Variants in NUP98 observed in about 807,000 individuals in gnomAD.
The protein encoded by NUP98 is nucleoporin 98 and 96 precursor.
Under a neutral mutation model 191.9 loss-of-function variants are expected in NUP98, and 26 were observed. That is an observed-to-expected ratio of 0.14 (90% CI 0.10 to 0.19). NUP98 has a LOEUF of 0.19. Among genes scored for constraint, NUP98 ranks in the 10% least tolerant of loss-of-function variants. The pLI, the probability that NUP98 is intolerant of heterozygous loss-of-function variation, is 1.00. For synonymous variants in NUP98, 808 were observed against 778.4 expected (o/e 1.04, Z -0.63); for missense variants, 1,941 against 2,178.8 (o/e 0.89, Z 2.17).
chr11:3,676,668 C>T, intron 31 of NUP98, 48 bp from the exon 32 acceptor site: 1 of 1,364,984 alleles, frequency 7.3e-7, no homozygotes, highest in Non-Finnish European at 1.0e-6. Context: ...GTTCCTATCA[C>T]TCCAATCCCA....
chr11:3,777,838 C>CA (rs1487178943), intron 4 of NUP98, among the ~76,000 whole-genome samples: 6 of 152,004 alleles, frequency 3.9e-5, no homozygotes, highest in Admixed American at 2.0e-4. Flanking sequence ...ATTAGTACTT[C>CA]AGACTGCATT....
At position 3,695,598 on chromosome 11, in the gene NUP98, G is replaced by A. The variant is rs1457274197; in HGVS notation, c.4018C>T (p.Arg1340Cys). 4.4e-6 allele frequency: 7 copies of A among 1,583,878 alleles called. No individual in the cohort carries two copies. The highest frequency in any genetic ancestry group is 1.4e-5 in the African/African-American group (1 of 73,608). Residue 1340 changes from arginine to cysteine, a missense_variant, in exon 26 of 33, where the codon CGT becomes TGT. Around this residue, in one of 6 missense-constraint regions of NUP98, gnomAD observed 1,030 missense variants for 1,115.8 expected, o/e 0.92. Transcript: ENST00000324932. Reference protein sequence around the residue: ...CSLAQQSGDHRLALLLSQFVG... With the variant: ...CSLAQQSGDHCLALLLSQFVG... ...AACTGAGATAAAAGAAGAGCAAGACGATGATCCCCTATAAGAGAAATGGAA... is the reference window on the plus strand; with the variant it reads ...AACTGAGATAAAAGAAGAGCAAGACAATGATCCCCTATAAGAGAAATGGAA...
Position 3,763,114 on chromosome 11 carries a change from A to C in NUP98, c.949-75T>G. Reference sequence around the variant, plus strand: ...AACGAATCTCAGAGTAATAAAAAAAAAGTTACCATTTTTTCAAGCTTATAT... The same window carrying C: ...AACGAATCTCAGAGTAATAAAAAAACAGTTACCATTTTTTCAAGCTTATAT... On this transcript the variant is annotated intron_variant, in intron 8 of 32. Coordinates refer to ENST00000324932, the MANE Select transcript of NUP98 (RefSeq NM_016320.5). 2 of 1,442,838 alleles carry C rather than the reference A, an allele frequency of 1.4e-6. 1 individual carries two copies. Among genetic ancestry groups the C allele is most frequent in the South Asian group, 2.6e-5 (2 of 76,202 alleles). 89.4% of individuals were successfully genotyped at this position (1,442,838 alleles called of 1,614,324 possible).
intron 23 of NUP98, 88 bp from the exon 24 acceptor site, chr11:3,700,927 A>G (rs2078657009): frequency 3.4e-6 from 3 of 873,830 alleles, no homozygotes; most frequent in Admixed American, 2.7e-5. Flanking sequence ...GTTTCTTTTT[A>G]TGATTACAAA....
chr11:3,699,556 A>G (rs932217961), intron 24 of NUP98, among the ~76,000 whole-genome samples: 8 of 152,244 alleles, frequency 5.3e-5, no homozygotes, highest in Non-Finnish European at 7.3e-5. Context: ...ATGCTTGCTC[A>G]TATCATGTTT....
intron 14 of NUP98, 141 bp downstream of exon 14, chr11:3,731,248 AGT>A: frequency 2.1e-6 from 1 of 473,538 alleles, no homozygotes. Flanking sequence ...TGGGTGACAG[AGT>A]AAGACTCTGT....
chr11:3,679,683 G>T lies in NUP98; in HGVS notation c.4944C>A (p.Asp1648Glu). 3.1e-6 allele frequency: 5 copies of T among 1,613,936 alleles called. No homozygotes were observed. The highest frequency in any genetic ancestry group is 4.2e-6 in the Non-Finnish European group (5 of 1,179,930). ...GGTCTTCCAAGAACCCCTTCAGGTA[G>T]TCATAGTTCTCATTAATGATGGCAT... ...ASDAIINENY[D>E]YLKGFLEDLA... Residue 1648 changes from aspartate (D) to glutamate (E), a missense_variant, in exon 31 of 33, where the codon GAC becomes GAA. Asp to Glu is a conservative substitution (Grantham distance 45). This residue lies in a region of NUP98 where 1,030 missense variants were observed against 1,115.8 expected (regional missense o/e 0.92). Transcript: ENST00000324932.
chr11:3,691,834 G>C (rs2078320796), intron 27 of NUP98, among the ~76,000 whole-genome samples: 1 of 152,100 alleles, frequency 6.6e-6, no homozygotes, highest in Non-Finnish European at 1.5e-5. Context: ...GATTAGAGGT[G>C]TGAATGACCG....
chr11:3,789,563 T>C (rs1214819590), intron 1 of NUP98, among the ~76,000 whole-genome samples: 1 of 149,762 alleles, frequency 6.7e-6, no homozygotes, highest in African/African-American at 2.5e-5. Flanking sequence ...TTGCCCAGGC[T>C]GGAATGCAGT....
intron 31 of NUP98, among the ~76,000 whole-genome samples, chr11:3,678,281 C>T (rs1425673700): frequency 2.6e-5 from 4 of 152,000 alleles, no homozygotes; most frequent in Non-Finnish European, 5.9e-5. Flanking sequence ...TTCTTTCAGA[C>T]GAGAGAGGTA....
At chr11:3,784,918 CCT>C (rs1564929206) in intron 1 of NUP98, among the ~76,000 whole-genome samples, 1 of 151,934 alleles carries the variant, frequency 6.6e-6, no homozygotes, top group East Asian at 1.9e-4. Context: ...GGGCAGATCA[CCT>C]GAGACCAGGA....
intron 12 of NUP98, among the ~76,000 whole-genome samples, chr11:3,738,920 G>C (rs999698059): frequency 6.6e-6 from 1 of 151,976 alleles, no homozygotes; most frequent in Non-Finnish European, 1.5e-5. Flanking sequence ...AACCAGAACA[G>C]AAGAACAGAC....
At chr11:3,794,176 A>G (rs2082451294) in intron 1 of NUP98, among the ~76,000 whole-genome samples, 1 of 152,136 alleles carries the variant, frequency 6.6e-6, no homozygotes, top group African/African-American at 2.4e-5. Flanking sequence ...TATCTGGCCC[A>G]AAGTCTCAAA....
In NUP98 at chr11:3,679,587, A is replaced by G; in HGVS notation, c.5040T>C (p.Ile1680=). Reference sequence around the variant, plus strand: ...TATGGCGGAGCATTTCAATGACTCTAATATAGTCCAGGTAAACAAGCCCAG... The same window carrying G: ...TATGGCGGAGCATTTCAATGACTCTGATATAGTCCAGGTAAACAAGCCCAG... ...ETSGLVYLDY[I]RVIEMLRHIQ... Residue 1680 remains isoleucine, a synonymous_variant, in exon 31 of 33, where the codon ATT becomes ATC. Coordinates refer to ENST00000324932, the MANE Select transcript of NUP98 (RefSeq NM_016320.5). The G allele has an allele frequency of 6.2e-7, 1 of 1,614,184 alleles. No individual in the cohort carries two copies. Among genetic ancestry groups the G allele is most frequent in the South Asian group, 1.1e-5 (1 of 91,082 alleles).
chr11:3,684,766 C>CAAAAAAAAAAAAAAA (rs71041370), intron 29 of NUP98, among the ~76,000 whole-genome samples: 5 of 101,802 alleles, frequency 4.9e-5, no homozygotes, highest in African/African-American at 1.9e-4. Flanking sequence ...TTTCACAGGC[C>CAAAAAAAAAAAAAAA]AAAAAAAAAA....
At chr11:3,779,119 AC>A in intron 3 of NUP98, 36 bp downstream of exon 3, 3 of 1,613,052 alleles carry the variant, frequency 1.9e-6, no homozygotes, top group Non-Finnish European at 2.5e-6. Context: ...TATACTAGCT[AC>A]AAACAAACCA....
chr11:3,736,695 A>T (rs764260282), intron 12 of NUP98, among the ~76,000 whole-genome samples: 31 of 152,224 alleles, frequency 2.0e-4, no homozygotes, highest in Non-Finnish European at 4.4e-4. Flanking sequence ...TATTAAAAAT[A>T]ATAATTTGTT....
At chr11:3,742,364 AAC>A (rs2080314639) in intron 12 of NUP98, among the ~76,000 whole-genome samples, 1 of 152,214 alleles carries the variant, frequency 6.6e-6, no homozygotes, top group Non-Finnish European at 1.5e-5. Context: ...AGAAGACAGT[AAC>A]AGTTACAGGA....
chr11:3,684,553 A>G (rs1248325055), intron 29 of NUP98, among the ~76,000 whole-genome samples: 1 of 152,150 alleles, frequency 6.6e-6, no homozygotes, highest in African/African-American at 2.4e-5. Flanking sequence ...GTCTTTTACC[A>G]TGTGAAATCC....
Sources: gnomAD v4.1 joint callset for allele counts (sites outside exome capture counted in the v4.1 genomes callset) on GRCh38, gnomAD v4.1.1 for gene constraint, gnomAD v4.1.1 regional missense constraint, MANE v1.5 for transcripts, NCBI Gene and HGNC (gene_info 2026-07-23, HGNC 2026-07-21) for gene names.